The following COP1 variants were observed in gnomAD, a reference collection of about 807,000 sequenced individuals.
COP1 encodes COP1 E3 ubiquitin ligase.
In COP1, 24 loss-of-function variants were observed where a neutral mutation model predicts 101.3. The observed-to-expected ratio is 0.24, with a 90% CI of 0.17 to 0.33. COP1 has a LOEUF of 0.33. Among genes scored for constraint, COP1 ranks in the 10% least tolerant of loss-of-function variants. The pLI, the probability that COP1 is intolerant of heterozygous loss-of-function variation, is 1.00. For missense variants in COP1, 663 were observed against 906.2 expected, an observed-to-expected ratio of 0.73 and a Z score of 3.45; for synonymous variants, 347 against 341.9, an observed-to-expected ratio of 1.01 and a Z score of -0.17.
chr1:176,207,064 G>C lies in COP1; in HGVS notation c.-86C>G. The C allele has an allele frequency of 8.5e-7, 1 of 1,172,120 alleles. No homozygotes were observed. Among genetic ancestry groups the C allele is most frequent in the South Asian group, 2.1e-5 (1 of 46,792 alleles). The allele number at this position is 1,172,120 out of a possible 1,614,324, so 72.6% of individuals were successfully genotyped here. The stretch of plus-strand genomic sequence containing the variant: ...GCCGCCTCCCCTCCCCTCAGCCTCA[G>C]TGCATCCTGAGGACGCCCGCCGAGC... On this transcript the variant is annotated 5_prime_UTR_variant, in exon 1 of 20. Transcript: ENST00000367669.
intron 9 of COP1, among the ~76,000 whole-genome samples, chr1:176,102,933 C>G (rs1461273743): frequency 3.3e-5 from 5 of 152,204 alleles, no homozygotes; most frequent in Non-Finnish European, 7.3e-5. Flanking sequence ...AATCAGCACT[C>G]TTGACTCACT....
chr1:176,012,552 G>A (rs1257499357), intron 15 of COP1, among the ~76,000 whole-genome samples: 1 of 152,152 alleles, frequency 6.6e-6, no homozygotes, highest in East Asian at 1.9e-4. Context: ...ATTTAGTATA[G>A]CCTAAGTATA....
At chr1:176,110,660 AC>A (rs1218801471) in intron 9 of COP1, among the ~76,000 whole-genome samples, 1 of 152,220 alleles carries the variant, frequency 6.6e-6, no homozygotes, top group Non-Finnish European at 1.5e-5. Flanking sequence ...AAACAAAAAA[AC>A]AAAACAACAA....
chr1:176,191,009 C>T (rs568152437), intron 1 of COP1, among the ~76,000 whole-genome samples: 38 of 152,084 alleles, frequency 2.5e-4, no homozygotes, highest in African/African-American at 8.7e-4. Flanking sequence ...CTCACATAAA[C>T]AGGACTGCAG....
chr1:176,035,521 G>A (rs1669347549), intron 14 of COP1, among the ~76,000 whole-genome samples: 1 of 151,724 alleles, frequency 6.6e-6, no homozygotes, highest in African/African-American at 2.4e-5. Context: ...AATATTGACA[G>A]GGATAGTGAT....
chr1:176,164,270 G>A (rs1572624872), intron 3 of COP1, among the ~76,000 whole-genome samples: 1 of 152,130 alleles, frequency 6.6e-6, no homozygotes, highest in East Asian at 1.9e-4. Context: ...CTAAAGACTT[G>A]CATTTGTTCT....
In COP1 at chr1:176,147,138, A is replaced by G. The variant is rs143564414; in HGVS notation, c.831+1868T>C. On this transcript the variant is annotated intron_variant, in intron 6 of 19. Coordinates refer to ENST00000367669, the MANE Select transcript of COP1 (RefSeq NM_022457.7). Reference sequence around the variant, plus strand: ...CCTGGTAAATCTGTATTTTACTTGAATAAGTTCAAGTATATAAACCATATT... The same window carrying G: ...CCTGGTAAATCTGTATTTTACTTGAGTAAGTTCAAGTATATAAACCATATT... Among the ~76,000 whole-genome samples the G allele has an allele frequency of 3.9e-5, 6 of 152,316 alleles. No individual in the cohort carries two copies. In the East Asian group the frequency reaches 1.2e-3, roughly 29 times the overall value.
chr1:176,072,834 C>T (rs971668392), intron 11 of COP1, among the ~76,000 whole-genome samples: 3 of 152,042 alleles, frequency 2.0e-5, no homozygotes, highest in Non-Finnish European at 2.9e-5. Context: ...ATCTAAGGTG[C>T]AGAATTATAC....
At chr1:176,013,306 G>A (rs1370181342) in intron 15 of COP1, among the ~76,000 whole-genome samples, 1 of 152,082 alleles carries the variant, frequency 6.6e-6, no homozygotes, top group African/African-American at 2.4e-5. Context: ...AGAAAATACG[G>A]TTCAGAAATT....
intron 2 of COP1, among the ~76,000 whole-genome samples, chr1:176,178,498 C>CA (rs1029338294): frequency 5.0e-4 from 76 of 151,694 alleles, no homozygotes; most frequent in African/African-American, 1.7e-3. Flanking sequence ...CTCAAAAAAA[C>CA]AAAAAATCAG....
Position 176,015,946 on chromosome 1 carries a change from T to A in COP1, c.1729+11626A>T, listed in dbSNP as rs1395663087. ...TGATTTTTTTAAAAAGAGGATGACATTTAGTAAGTAGAACACACATGCTTC... is the reference window on the plus strand; with the variant it reads ...TGATTTTTTTAAAAAGAGGATGACAATTAGTAAGTAGAACACACATGCTTC... On this transcript the variant is annotated intron_variant, in intron 15 of 19. Transcript: ENST00000367669. Among the ~76,000 whole-genome samples the A allele has an allele frequency of 2.0e-5, 3 of 152,086 alleles. No homozygotes were observed. The East Asian group carries it at 5.8e-4, about 29-fold the overall frequency.
At chr1:175,962,592 C>A (rs1651507040) in intron 18 of COP1, among the ~76,000 whole-genome samples, 1 of 152,140 alleles carries the variant, frequency 6.6e-6, no homozygotes, top group Admixed American at 6.5e-5. Flanking sequence ...CCACCCCTGG[C>A]AGCTGATTCA....
chr1:176,085,595 A>G (rs1308157549), intron 10 of COP1, among the ~76,000 whole-genome samples, 181 bp downstream of exon 10: 1 of 152,206 alleles, frequency 6.6e-6, no homozygotes, highest in Non-Finnish European at 1.5e-5. Context: ...AGAACAAAAA[A>G]TAGTCATTGG....
chr1:176,015,381 A>G (rs1245437349), intron 15 of COP1, among the ~76,000 whole-genome samples: 3 of 152,136 alleles, frequency 2.0e-5, no homozygotes, highest in East Asian at 1.9e-4. Context: ...GCAGAGTCCA[A>G]TTAACAACGA....
At chr1:175,966,776 G>T (rs749254027) in intron 18 of COP1, among the ~76,000 whole-genome samples, 1 of 152,104 alleles carries the variant, frequency 6.6e-6, no homozygotes, top group Non-Finnish European at 1.5e-5. Flanking sequence ...GGAAAATTTG[G>T]TCTTTTATAT....
chr1:176,116,764 T>C (rs1290743592), intron 8 of COP1, 83 bp from the exon 9 acceptor site: 41 of 936,162 alleles, frequency 4.4e-5, no homozygotes, highest in Non-Finnish European at 3.2e-5. Flanking sequence ...GTATATCATA[T>C]ATAAGCCCAG....
At chr1:175,968,853 C>T (rs572091886) in intron 18 of COP1, among the ~76,000 whole-genome samples, 1 of 152,336 alleles carries the variant, frequency 6.6e-6, no homozygotes, top group South Asian at 2.1e-4. Flanking sequence ...TCACACTGCA[C>T]TCAAATATTC....
chr1:175,993,637 G>A (rs547326517), intron 15 of COP1, among the ~76,000 whole-genome samples: 1 of 152,270 alleles, frequency 6.6e-6, no homozygotes, highest in South Asian at 2.1e-4. Flanking sequence ...TGGAAGAAAG[G>A]GTATCAGTGA....
intron 9 of COP1, among the ~76,000 whole-genome samples, chr1:176,112,006 T>C (rs1376181715): frequency 1.3e-5 from 2 of 152,226 alleles, no homozygotes; most frequent in Non-Finnish European, 2.9e-5. Context: ...GTACCATGCA[T>C]ACAGTGAATC....
Sources: allele counts gnomAD v4.1 joint callset (sites outside exome capture counted in the v4.1 genomes callset), GRCh38; gene constraint gnomAD v4.1.1; transcripts MANE v1.5; gene names NCBI Gene and HGNC (gene_info 2026-07-23, HGNC 2026-07-21).